Variants in SAMD5 observed in about 807,000 individuals in gnomAD.
SAMD5 encodes sterile alpha motif domain containing 5.
SAMD5 carries 13 observed loss-of-function variants against 11.3 expected under a neutral mutation model. That is an observed-to-expected ratio of 1.15 (90% CI 0.75 to 1.83). SAMD5 has a LOEUF of 1.83. Among genes scored for constraint, SAMD5 ranks in the 40% most tolerant of loss-of-function variants. SAMD5 has a pLI of 0.00. For missense variants in SAMD5, 255 were observed against 239.1 expected (o/e 1.07, Z -0.44); for synonymous variants, 129 against 111.3 (o/e 1.16, Z -1.00).
At chr6:147,781,766 G>C in the SAMD5 span, among the ~76,000 whole-genome samples, 1 of 86,954 alleles carries the variant, frequency 1.2e-5, no homozygotes, top group Non-Finnish European at 2.2e-5. Flanking sequence ...TATATAATTT[G>C]TGTGCGCACA....
intron 1 of SAMD5, among the ~76,000 whole-genome samples, chr6:147,628,055 T>G (rs868430642): frequency 2.6e-5 from 4 of 152,324 alleles, no homozygotes; most frequent in South Asian, 2.1e-4. Context: ...AAACATATAG[T>G]TCCTCATGAA....
intron 1 of SAMD5, among the ~76,000 whole-genome samples, chr6:147,639,195 T>C (rs144696728): frequency 3.3e-5 from 5 of 152,278 alleles, no homozygotes; most frequent in African/African-American, 1.2e-4. Flanking sequence ...ATTTCTAGCT[T>C]TGATGTGGTT....
chr6:147,866,263 T>C, the SAMD5 span, among the ~76,000 whole-genome samples: 1 of 152,220 alleles, frequency 6.6e-6, no homozygotes, highest in Non-Finnish European at 1.5e-5. Flanking sequence ...GGGAGTACAT[T>C]AGAACTAGTT....
At chr6:147,714,072 G>A (rs1031052236) in intron 1 of SAMD5, among the ~76,000 whole-genome samples, 6 of 152,158 alleles carry the variant, frequency 3.9e-5, no homozygotes, top group Non-Finnish European at 8.8e-5. Flanking sequence ...ATATTAAATG[G>A]TTATGAAAAT....
chr6:147,547,781 T>G (rs999718694), intron 1 of SAMD5, among the ~76,000 whole-genome samples: 1 of 152,190 alleles, frequency 6.6e-6, no homozygotes, highest in Non-Finnish European at 1.5e-5. Flanking sequence ...GGGGTCATTC[T>G]TAGAAATCCG....
Position 147,626,790 on chromosome 6 carries a change from T to C in SAMD5, c.163-110527T>C, listed in dbSNP as rs1294677415. On this transcript the variant is annotated intron_variant, in intron 1 of 1. Coordinates refer to the SAMD5 transcript ENST00000566741. ...GCAACATAACGAGACACTGTTTCTATGAAAAAAAAAAAAAAAAAAAAAAAA... is the reference window on the plus strand; with the variant it reads ...GCAACATAACGAGACACTGTTTCTACGAAAAAAAAAAAAAAAAAAAAAAAA... 5.3e-4 allele frequency among the ~76,000 whole-genome samples: 10 copies of C among 18,968 alleles called. No individual in the cohort carries two copies. The East Asian group carries it at 7.4e-3, about 14-fold the overall frequency. 12.4% of individuals were successfully genotyped at this position (18,968 alleles called of 152,430 possible).
At chr6:147,582,258 C>T (rs935694180) in intron 1 of SAMD5, among the ~76,000 whole-genome samples, 1 of 151,706 alleles carries the variant, frequency 6.6e-6, no homozygotes, top group Admixed American at 6.6e-5. Flanking sequence ...ACTTGGCTAC[C>T]TGGGAGGCTG....
At chr6:147,859,243 A>G in the SAMD5 span, among the ~76,000 whole-genome samples, 7 of 152,182 alleles carry the variant, frequency 4.6e-5, no homozygotes, top group Admixed American at 6.5e-5. Context: ...GTGATTTACT[A>G]TATAGCCTGT....
the SAMD5 span, among the ~76,000 whole-genome samples, chr6:147,759,171 C>T: frequency 6.6e-6 from 1 of 152,154 alleles, no homozygotes; most frequent in East Asian, 1.9e-4. Flanking sequence ...TGTGGATGAG[C>T]ACAAATGTTT....
the SAMD5 span, among the ~76,000 whole-genome samples, chr6:147,848,553 AACAAACTC>A: frequency 6.6e-6 from 1 of 152,198 alleles, no homozygotes; most frequent in Non-Finnish European, 1.5e-5. Context: ...TCAGAAGGTC[AACAAACTC>A]ACCTAATAAA....
chr6:147,947,639 A>G, the SAMD5 span: 1 of 152,156 alleles, frequency 6.6e-6, no homozygotes, highest in Non-Finnish European at 1.5e-5. Context: ...ATACACTGAG[A>G]AGGCTGGTGT....
At chr6:147,512,173 A>C (rs623003) in intron 1 of SAMD5, among the ~76,000 whole-genome samples, 1 of 151,930 alleles carries the variant, frequency 6.6e-6, no homozygotes, top group Admixed American at 6.6e-5. Context: ...GGCCAGGCTC[A>C]TCTCGAACTC....
At chr6:147,658,985 A>C (rs541005971) in intron 1 of SAMD5, among the ~76,000 whole-genome samples, 17 of 152,338 alleles carry the variant, frequency 1.1e-4, no homozygotes, top group South Asian at 2.1e-4. Context: ...ACTAAAGCAG[A>C]TTGACTCTGA....
the SAMD5 span, among the ~76,000 whole-genome samples, chr6:147,767,590 A>C: frequency 2.0e-5 from 3 of 152,160 alleles, no homozygotes; most frequent in Non-Finnish European, 4.4e-5. Flanking sequence ...TGAAGCCCTT[A>C]TAAAGAAATG....
At chr6:147,793,013 A>G in the SAMD5 span, among the ~76,000 whole-genome samples, 1 of 152,238 alleles carries the variant, frequency 6.6e-6, no homozygotes, top group African/African-American at 2.4e-5. Context: ...CTCAAAATAG[A>G]GCATATATCC....
chr6:147,856,659 CTG>C, the SAMD5 span, among the ~76,000 whole-genome samples: 1 of 152,160 alleles, frequency 6.6e-6, no homozygotes, highest in East Asian at 1.9e-4. Context: ...TCAACAGACA[CTG>C]TGCTAGATAT....
chr6:147,553,339 A>G (rs1788803112), intron 1 of SAMD5, among the ~76,000 whole-genome samples: 1 of 152,162 alleles, frequency 6.6e-6, no homozygotes, highest in South Asian at 2.1e-4. Context: ...AGAGGACTTC[A>G]TGTCTGTCCT....
At chr6:147,671,095 G>C (rs1423984089) in intron 1 of SAMD5, among the ~76,000 whole-genome samples, 1 of 152,152 alleles carries the variant, frequency 6.6e-6, no homozygotes, top group African/African-American at 2.4e-5. Context: ...AAATAGAGAG[G>C]CTTAAGAAGG....
chr6:147,812,860 A>C, the SAMD5 span, among the ~76,000 whole-genome samples: 1 of 152,206 alleles, frequency 6.6e-6, no homozygotes, highest in African/African-American at 2.4e-5. Context: ...AATGCTGGTA[A>C]ATTAAACTAT....
Sources: allele counts gnomAD v4.1 joint callset (sites outside exome capture counted in the v4.1 genomes callset), GRCh38; gene constraint gnomAD v4.1.1; transcripts MANE v1.5; gene names NCBI Gene and HGNC (gene_info 2026-07-23, HGNC 2026-07-21).